RAB31: variants seen among roughly 807,000 people sequenced by gnomAD.
RAB31 encodes ras-related protein Rab-31.
Under a neutral mutation model 25.6 loss-of-function variants are expected in RAB31, and 21 were observed. The ratio of observed to expected loss-of-function variants is 0.82; its 90% CI spans 0.58 to 1.18. RAB31 has a LOEUF of 1.18. RAB31 is among the 50% of genes most tolerant of loss of function. RAB31 has a pLI of 0.00. For missense variants in RAB31, 196 were observed against 250.1 expected, an observed-to-expected ratio of 0.78 and a Z score of 1.46; for synonymous variants, 87 against 84.0, an observed-to-expected ratio of 1.04 and a Z score of -0.20.
At chr18:9,801,819 A>G (rs114245293) in intron 3 of RAB31, among the ~76,000 whole-genome samples, 2,573 of 152,322 alleles carry the variant, frequency 0.017, 69 homozygotes, top group African/African-American at 0.059. Context: ...CTTAGCTCTC[A>G]CTTTTATCCC....
chr18:9,829,344 G>A (rs969518246), intron 5 of RAB31, among the ~76,000 whole-genome samples: 5 of 152,174 alleles, frequency 3.3e-5, no homozygotes, highest in Non-Finnish European at 5.9e-5. Context: ...ATGACGTGTC[G>A]TTCACTCAGC....
chr18:9,714,058 G>A (rs944677282), intron 1 of RAB31, among the ~76,000 whole-genome samples: 13 of 152,190 alleles, frequency 8.5e-5, no homozygotes, highest in Non-Finnish European at 1.6e-4. Flanking sequence ...TGTCAATAGT[G>A]TTCAGGCATG....
intron 6 of RAB31, among the ~76,000 whole-genome samples, chr18:9,857,659 AGATAGATAGATAGATAGATAGATAGAT>A (rs1389183757): frequency 1.4e-4 from 17 of 125,026 alleles, no homozygotes; most frequent in Admixed American, 3.8e-4. Context: ...ATAGATAGAT[AGATAGATAGATAGATAGATAGATAGAT>A]GATAGATAGA....
chr18:9,842,178 T>A (rs1172076910), intron 5 of RAB31, among the ~76,000 whole-genome samples: 1 of 152,156 alleles, frequency 6.6e-6, no homozygotes, highest in Admixed American at 6.5e-5. Context: ...GCCCGGACCC[T>A]CTCAAGCCTT....
At chr18:9,744,462 T>G (rs1342030401) in intron 1 of RAB31, among the ~76,000 whole-genome samples, 1 of 152,220 alleles carries the variant, frequency 6.6e-6, no homozygotes, top group African/African-American at 2.4e-5. Context: ...ATTCCCTAAT[T>G]AATGGTGAAG....
chr18:9,733,713 T>C (rs887734853), intron 1 of RAB31, among the ~76,000 whole-genome samples: 3 of 152,144 alleles, frequency 2.0e-5, no homozygotes, highest in Admixed American at 2.0e-4. Flanking sequence ...GATGAGGTTC[T>C]TGGGCTCAGA....
At chr18:9,778,221 G>A (rs1452318007) in intron 2 of RAB31, among the ~76,000 whole-genome samples, 1 of 152,168 alleles carries the variant, frequency 6.6e-6, no homozygotes, top group Non-Finnish European at 1.5e-5. Context: ...TGCTGTGCCA[G>A]CCCAGATTAA....
intron 3 of RAB31, among the ~76,000 whole-genome samples, chr18:9,793,455 A>G (rs1425182103): frequency 1.3e-5 from 2 of 152,072 alleles, no homozygotes; most frequent in Non-Finnish European, 2.9e-5. Flanking sequence ...GAGGTCAGGA[A>G]ATTGAGACCA....
intron 3 of RAB31, among the ~76,000 whole-genome samples, chr18:9,807,501 GT>G (rs2068547996): frequency 6.6e-6 from 1 of 152,216 alleles, no homozygotes; most frequent in East Asian, 1.9e-4. Context: ...TAGTTCTGGA[GT>G]TTTAGGAAAT....
At position 9,792,053 on chromosome 18, in the gene RAB31, T is replaced by C. The variant is rs2068463268; in HGVS notation, c.120-101T>C. The C allele has an allele frequency of 3.4e-6, 5 of 1,455,250 alleles. No homozygotes were observed. The East Asian group carries it at 1.0e-4, about 30-fold the overall frequency. The allele number at this position is 1,455,250 out of a possible 1,614,324, so 90.1% of individuals were successfully genotyped here. A position where few individuals can be genotyped will look rare whatever the true frequency, so the allele number is the denominator to read the frequency against. ...TTAGTGGTTCCCAAGGACCAGGGCT[T>C]TTTGGGGTCCTGCTGAGGTGTAGCA... On this transcript the variant is annotated intron_variant, in intron 2 of 6. Coordinates refer to ENST00000578921, the MANE Select transcript of RAB31 (RefSeq NM_006868.4).
chr18:9,768,564 T>C (rs569490013), intron 1 of RAB31, among the ~76,000 whole-genome samples: 1 of 152,164 alleles, frequency 6.6e-6, no homozygotes, highest in African/African-American at 2.4e-5. Context: ...TCTTGTACGT[T>C]TGTTTAAGTT....
chr18:9,832,123 C>T lies in RAB31; in HGVS notation c.381-13459C>T, dbSNP rs542447209. On this transcript the variant is annotated intron_variant, in intron 5 of 6. Coordinates refer to ENST00000578921, the MANE Select transcript of RAB31 (RefSeq NM_006868.4). ...TGTGGTGGCCTTTATGGTCAGGAGGCGACATGCAGTGAGAAGAAGGGAAGA... is the reference window on the plus strand; with the variant it reads ...TGTGGTGGCCTTTATGGTCAGGAGGTGACATGCAGTGAGAAGAAGGGAAGA... Among the ~76,000 whole-genome samples, 9 of 152,190 alleles carry T rather than the reference C, an allele frequency of 5.9e-5. No individual in the cohort carries two copies. The East Asian group carries it at 1.5e-3, about 26-fold the overall frequency.
intron 1 of RAB31, among the ~76,000 whole-genome samples, chr18:9,713,198 T>G (rs2068026616): frequency 6.6e-6 from 1 of 152,202 alleles, no homozygotes; most frequent in African/African-American, 2.4e-5. Flanking sequence ...TGGAAGGAAG[T>G]AATGCATAGG....
At chr18:9,778,552 C>T (rs1236469368) in intron 2 of RAB31, among the ~76,000 whole-genome samples, 1 of 152,140 alleles carries the variant, frequency 6.6e-6, no homozygotes, top group Non-Finnish European at 1.5e-5. Flanking sequence ...CTCACTGCAA[C>T]CTCCGCCTCC....
At position 9,861,973 on chromosome 18, in the gene RAB31, C is replaced by T. The variant is rs1407586948; in HGVS notation, c.*2648C>T. On this transcript the variant is annotated 3_prime_UTR_variant, in exon 7 of 7. Coordinates refer to ENST00000578921, the MANE Select transcript of RAB31 (RefSeq NM_006868.4). ...TGACTTGCCATTTTATGGTTAAAAA[C>T]GGCACATTAGGCAGTTGAATATGAC... The T allele has an allele frequency of 2.6e-5, 4 of 152,566 alleles. No individual in the cohort carries two copies. Among genetic ancestry groups the T allele is most frequent in the Non-Finnish European group, 4.4e-5 (3 of 68,018 alleles). The allele number at this position is 152,566 out of a possible 1,614,324, so 9.5% of individuals were successfully genotyped here.
chr18:9,857,881 T>C (rs1041023352), intron 6 of RAB31, among the ~76,000 whole-genome samples: 2 of 151,152 alleles, frequency 1.3e-5, no homozygotes, highest in African/African-American at 4.9e-5. Flanking sequence ...AAAAAAAAAT[T>C]TATCGGGGCA....
At chr18:9,783,259 G>A (rs1259788135) in intron 2 of RAB31, among the ~76,000 whole-genome samples, 1 of 152,138 alleles carries the variant, frequency 6.6e-6, no homozygotes, top group Non-Finnish European at 1.5e-5. Flanking sequence ...AAACCAAAGG[G>A]CTTTACGGGC....
chr18:9,821,868 T>G (rs964314004), intron 5 of RAB31, among the ~76,000 whole-genome samples: 3 of 152,164 alleles, frequency 2.0e-5, no homozygotes, highest in Non-Finnish European at 2.9e-5. Flanking sequence ...CTCAACATAG[T>G]AAAGATGTTC....
intron 6 of RAB31, among the ~76,000 whole-genome samples, chr18:9,858,130 GC>G (rs2068828490): frequency 6.6e-6 from 1 of 152,178 alleles, no homozygotes; most frequent in African/African-American, 2.4e-5. Context: ...AGTGGGAAGA[GC>G]ACAGGCCTTG....
Sources: gnomAD v4.1 joint callset for allele counts (sites outside exome capture counted in the v4.1 genomes callset) on GRCh38, gnomAD v4.1.1 for gene constraint, MANE v1.5 for transcripts, NCBI Gene and HGNC (gene_info 2026-07-23, HGNC 2026-07-21) for gene names.